The following CBLC variants were observed in gnomAD, a reference collection of about 807,000 sequenced individuals.
The protein encoded by CBLC is Cbl proto-oncogene C, also known as E3 ubiquitin-protein ligase CBL-C.
A neutral mutation model predicts 58.6 loss-of-function variants in CBLC; 46 were observed. That is an observed-to-expected ratio of 0.79 (90% confidence interval 0.62 to 1.00). The LOEUF is 1.00. Ranked by LOEUF, CBLC falls within the 50% of genes least tolerant of loss-of-function variation. The probability of loss-of-function intolerance (pLI) is 0.00; values close to 1 mark genes in which losing one functional copy is unlikely to be tolerated. For missense variants in CBLC, 655 were observed against 625.8 expected, an observed-to-expected ratio of 1.05 and a Z score of -0.50; for synonymous variants, 271 against 264.2, an observed-to-expected ratio of 1.03 and a Z score of -0.25.
chr19:44,792,370 T>A lies in CBLC; in HGVS notation c.1006-13T>A. 1 of 1,612,882 alleles carries A rather than the reference T, an allele frequency of 6.2e-7. No homozygotes were observed. The highest frequency in any genetic ancestry group is 8.5e-7 in the Non-Finnish European group (1 of 1,179,780). On this transcript the variant is annotated splice_polypyrimidine_tract_variant and intron_variant, in intron 6 of 10. Coordinates refer to ENST00000647358, the MANE Select transcript of CBLC (RefSeq NM_012116.4). The stretch of plus-strand genomic sequence containing the variant: ...ATGCCCCTCGCTGTCTTCTCTATCC[T>A]CTCACCTGCCAGGAGCAGCTGCAGC...
At chr19:44,793,435 C>G (rs758231610) in intron 7 of CBLC, 39 bp from the exon 8 acceptor site, 1 of 1,551,518 alleles carries the variant, frequency 6.4e-7, no homozygotes, top group Non-Finnish European at 8.7e-7. Context: ...GGATGGAGAG[C>G]AGGGGAGCAC....
intron 10 of CBLC, 28 bp from the exon 11 acceptor site, chr19:44,800,523 T>C: frequency 1.1e-6 from 1 of 912,206 alleles, no homozygotes; most frequent in South Asian, 1.5e-5. Context: ...GGTGACCTCA[T>C]CTAACCCACC....
chr19:44,795,842 C>G (rs1049233631), intron 9 of CBLC, among the ~76,000 whole-genome samples: 2 of 152,156 alleles, frequency 1.3e-5, no homozygotes, highest in African/African-American at 4.8e-5. Context: ...AGCACACATA[C>G]ACGTCATAGG....
Position 44,792,447 on chromosome 19 carries a change from G to A in CBLC, c.1070G>A (p.Ser357Asn), listed in dbSNP as rs148655912. Residue 357 changes from serine (S) to asparagine (N), a missense_variant, in exon 7 of 11, where the codon AGC becomes AAC. Around this residue, in one of 3 missense-constraint regions of CBLC, gnomAD observed 371 missense variants for 370.8 expected, o/e 1.00. Transcript: ENST00000647358. ...TFELCKICAESNKDVKIEPCG... is the reference protein window; with the variant it reads ...TFELCKICAENNKDVKIEPCG... Reference sequence around the variant, plus strand: ...GAGCTCTGCAAGATCTGTGCTGAGAGCAACAAGGATGTGAAGATTGAGCCG... The same window carrying A: ...GAGCTCTGCAAGATCTGTGCTGAGAACAACAAGGATGTGAAGATTGAGCCG... 18 of 1,613,128 alleles carry A rather than the reference G, an allele frequency of 1.1e-5. No individual in the cohort carries two copies. The African/African-American group carries it at 2.3e-4, about 20-fold the overall frequency.
At chr19:44,798,193 GTTTT>G (rs34741397) in intron 9 of CBLC, among the ~76,000 whole-genome samples, 1 of 142,404 alleles carries the variant, frequency 7.0e-6, no homozygotes, top group African/African-American at 2.8e-5. Context: ...CACAGGCTGG[GTTTT>G]TTTGTTTGTT....
chr19:44,799,642 C>T (rs973266646), intron 9 of CBLC, among the ~76,000 whole-genome samples: 4 of 149,410 alleles, frequency 2.7e-5, no homozygotes, highest in African/African-American at 1.0e-4. Flanking sequence ...CCTGTTTTTT[C>T]GGTTTGTTGT....
intron 9 of CBLC, among the ~76,000 whole-genome samples, chr19:44,796,399 T>C (rs1375472040): frequency 6.6e-6 from 1 of 152,176 alleles, no homozygotes; most frequent in East Asian, 1.9e-4. Context: ...TGTTTTTCTT[T>C]TGAGATGGAG....
intron 6 of CBLC, among the ~76,000 whole-genome samples, chr19:44,792,050 A>G (rs550744853): frequency 1.5e-4 from 23 of 150,740 alleles, no homozygotes; most frequent in Non-Finnish European, 3.0e-4. Context: ...CTGGAGTGCA[A>G]TGGTGCAATC....
At chr19:44,799,719 AAAG>A (rs200478629) in intron 9 of CBLC, among the ~76,000 whole-genome samples, 2,618 of 151,610 alleles carry the variant, frequency 0.017, 40 homozygotes, top group South Asian at 0.04. Context: ...AAAGGGAGAG[AAAG>A]AAGGAGGGAG....
intron 7 of CBLC, among the ~76,000 whole-genome samples, chr19:44,793,147 G>A (rs929032743): frequency 3.3e-5 from 5 of 151,984 alleles, no homozygotes; most frequent in Non-Finnish European, 5.9e-5. Context: ...GCGAGACTCC[G>A]TTTTTTTAAA....
At position 44,793,361 on chromosome 19, in the gene CBLC, T is replaced by C. The variant is rs1331505551; in HGVS notation, c.1138-113T>C. 4.2e-6 allele frequency: 5 copies of C among 1,181,312 alleles called. No homozygotes were observed. In the African/African-American group the frequency reaches 4.7e-5, roughly 11 times the overall value. 73.2% of individuals were successfully genotyped at this position (1,181,312 alleles called of 1,614,324 possible). Reference sequence around the variant, plus strand: ...GACTCTTCTCTCCTTCCGTCTCCCTTCCTCTGTCTGTCTTCCCCACATCAA... The same window carrying C: ...GACTCTTCTCTCCTTCCGTCTCCCTCCCTCTGTCTGTCTTCCCCACATCAA... On this transcript the variant is annotated intron_variant, in intron 7 of 10. Coordinates refer to ENST00000647358, the MANE Select transcript of CBLC (RefSeq NM_012116.4).
rs1036033162 is a variant in CBLC at position 44,799,697 on chromosome 19, A to T, written c.1363-684A>T. ...AAAAAAGAAAGAAAAGTAAAGAAAG[A>T]GAGAGAGAAAGAAAGGGAGAGAAAG... On this transcript the variant is annotated intron_variant, in intron 9 of 10. Transcript: ENST00000647358. Among the ~76,000 whole-genome samples, 12 of 150,494 alleles carry T rather than the reference A, an allele frequency of 8.0e-5. 1 individual carries two copies. Among genetic ancestry groups the T allele is most frequent in the Non-Finnish European group, 2.9e-5 (2 of 67,830 alleles).
At chr19:44,784,130 C>A in intron 4 of CBLC, 134 bp from the exon 5 acceptor site, 1 of 726,410 alleles carries the variant, frequency 1.4e-6, no homozygotes. Flanking sequence ...TAGCACATGC[C>A]GTTGCCTAGA....
At chr19:44,794,040 T>C (rs1195763785) in intron 8 of CBLC, 164 bp from the exon 9 acceptor site, 2 of 830,924 alleles carry the variant, frequency 2.4e-6, no homozygotes, top group Non-Finnish European at 2.9e-6. Context: ...GGGCTGTGGC[T>C]TTCCCTGGCT....
Position 44,778,244 on chromosome 19 carries a change from A to C in CBLC, c.313A>C (p.Ser105Arg). 2.1e-6 allele frequency: 3 copies of C among 1,453,620 alleles called. No individual in the cohort carries two copies. The highest frequency in any genetic ancestry group is 2.7e-6 in the Non-Finnish European group (3 of 1,104,924). The allele number at this position is 1,453,620 out of a possible 1,614,324, so 90.0% of individuals were successfully genotyped here. A position where few individuals can be genotyped will look rare whatever the true frequency, so the allele number is the denominator to read the frequency against. ...GCTGCTGCCTCCCCGGGGCCGAAGGAGTGCCAACGACGAGCTCTTCCGGGC... is the reference window on the plus strand; with the variant it reads ...GCTGCTGCCTCCCCGGGGCCGAAGGCGTGCCAACGACGAGCTCTTCCGGGC... ...AALLPPRGRR[S>R]ANDELFRAGS... The change falls in exon 1 of 11, where the codon AGT (serine) becomes CGT (arginine). Residue 105 changes from serine (S) to arginine (R), a missense_variant. Ser to Arg is a moderately radical substitution (Grantham distance 110). Transcript: ENST00000647358.
chr19:44,777,893 C>A lies in CBLC; in HGVS notation c.-39C>A. Reference sequence around the variant, plus strand: ...CACTCTGGGCGAGGCCGCCCCTATCCCAGCCGCACCGGTCCTTCCCGGCAC... The same window carrying A: ...CACTCTGGGCGAGGCCGCCCCTATCACAGCCGCACCGGTCCTTCCCGGCAC... On this transcript the variant is annotated 5_prime_UTR_variant, in exon 1 of 11. Transcript: ENST00000647358. 6.8e-7 allele frequency: 1 copy of A among 1,479,670 alleles called. No individual in the cohort carries two copies. Among genetic ancestry groups the A allele is most frequent in the Non-Finnish European group, 8.9e-7 (1 of 1,123,250 alleles). The allele number at this position is 1,479,670 out of a possible 1,614,324, so 91.7% of individuals were successfully genotyped here. A position where few individuals can be genotyped will look rare whatever the true frequency, so the allele number is the denominator to read the frequency against.
At chr19:44,797,319 C>A in intron 9 of CBLC, among the ~76,000 whole-genome samples, 1 of 152,002 alleles carries the variant, frequency 6.6e-6, no homozygotes, top group Non-Finnish European at 1.5e-5. Flanking sequence ...GGCACGATCT[C>A]AGCCCATTGC....
At chr19:44,786,047 G>A (rs542347301) in intron 5 of CBLC, among the ~76,000 whole-genome samples, 9 of 151,940 alleles carry the variant, frequency 5.9e-5, no homozygotes, top group African/African-American at 1.9e-4. Context: ...CAATCTGCCC[G>A]CCTCACCCTC....
intron 1 of CBLC, among the ~76,000 whole-genome samples, chr19:44,780,332 C>T (rs907530287): frequency 6.6e-6 from 1 of 151,490 alleles, no homozygotes; most frequent in Non-Finnish European, 1.5e-5. Context: ...GACAGGGTTT[C>T]ACCATGTTGG....
Sources: gnomAD v4.1 joint callset for allele counts (sites outside exome capture counted in the v4.1 genomes callset) on GRCh38, gnomAD v4.1.1 for gene constraint, gnomAD v4.1.1 regional missense constraint, MANE v1.5 for transcripts, NCBI Gene and HGNC (gene_info 2026-07-23, HGNC 2026-07-21) for gene names.